Variants in UCK2 observed in about 807,000 individuals in gnomAD.
The protein encoded by UCK2 is cytidine monophosphokinase 2.
In UCK2, 6 loss-of-function variants were observed where a neutral mutation model predicts 30.8. The ratio of observed to expected loss-of-function variants is 0.19; its 90% CI spans 0.11 to 0.38. UCK2 has a LOEUF of 0.38. Ranked by LOEUF, UCK2 falls within the 10% of genes least tolerant of loss-of-function variation. UCK2 has a pLI of 1.00. For missense variants in UCK2, 210 were observed against 339.8 expected (o/e 0.62, Z 3.00); for synonymous variants, 125 against 133.6 (o/e 0.94, Z 0.45).
At chr1:165,845,886 T>C (rs1428070571) in intron 1 of UCK2, among the ~76,000 whole-genome samples, 1 of 152,182 alleles carries the variant, frequency 6.6e-6, no homozygotes, top group Admixed American at 6.5e-5. Context: ...CAGGCTGATA[T>C]CTAACTCTGT....
chr1:165,840,119 A>C (rs1050691320), intron 1 of UCK2, among the ~76,000 whole-genome samples: 1 of 152,038 alleles, frequency 6.6e-6, no homozygotes, highest in African/African-American at 2.4e-5. Context: ...GGGTTTCACC[A>C]TGTTGGCCAG....
intron 1 of UCK2, among the ~76,000 whole-genome samples, chr1:165,839,218 T>TACCTCCTTTTGTAG (rs1247046481): frequency 1.3e-5 from 2 of 152,208 alleles, no homozygotes; most frequent in Non-Finnish European, 2.9e-5. Context: ...CATTTTTCTC[T>TACCTCCTTTTGTAG]ACCTCCTTTT....
intron 1 of UCK2, among the ~76,000 whole-genome samples, chr1:165,839,058 G>A (rs1189556562): frequency 6.6e-6 from 1 of 151,676 alleles, no homozygotes; most frequent in Non-Finnish European, 1.5e-5. Flanking sequence ...AAAAAAAAAA[G>A]AAAGAAAAAA....
chr1:165,875,055 A>G (rs1228328627), intron 1 of UCK2, among the ~76,000 whole-genome samples: 1 of 147,954 alleles, frequency 6.8e-6, no homozygotes, highest in Non-Finnish European at 1.5e-5. Flanking sequence ...AAAAAAAAAA[A>G]GCTTCCTAAT....
At chr1:165,836,476 T>G (rs1184061821) in intron 1 of UCK2, among the ~76,000 whole-genome samples, 1 of 152,216 alleles carries the variant, frequency 6.6e-6, no homozygotes, top group African/African-American at 2.4e-5. Context: ...ACTCAGTTTT[T>G]ACCTTTAAAA....
chr1:165,889,990 G>C (rs1216686112), intron 1 of UCK2, among the ~76,000 whole-genome samples: 3 of 152,004 alleles, frequency 2.0e-5, no homozygotes, highest in Non-Finnish European at 4.4e-5. Flanking sequence ...GTGTCCTCTA[G>C]CTCCATCCAT....
chr1:165,885,782 T>G (rs993534770), intron 1 of UCK2, among the ~76,000 whole-genome samples: 2 of 152,198 alleles, frequency 1.3e-5, no homozygotes, highest in Non-Finnish European at 2.9e-5. Flanking sequence ...GATATGATAA[T>G]AATTCCCATC....
chr1:165,877,711 A>G (rs777765602), intron 1 of UCK2, among the ~76,000 whole-genome samples: 9 of 152,318 alleles, frequency 5.9e-5, no homozygotes, highest in East Asian at 3.9e-4. Context: ...CAAAGCTTCT[A>G]TGAACATTTG....
chr1:165,844,257 AC>A (rs1269633660), intron 1 of UCK2, among the ~76,000 whole-genome samples: 1 of 152,208 alleles, frequency 6.6e-6, no homozygotes, highest in Non-Finnish European at 1.5e-5. Context: ...TGCACCTAGA[AC>A]GGCTCCCTCC....
chr1:165,880,362 T>G (rs904814892), intron 1 of UCK2, among the ~76,000 whole-genome samples: 5 of 152,128 alleles, frequency 3.3e-5, no homozygotes, highest in African/African-American at 1.2e-4. Flanking sequence ...GGGCCCAGTT[T>G]GTTGTTTTTC....
intron 1 of UCK2, among the ~76,000 whole-genome samples, chr1:165,873,591 C>G (rs1655256454): frequency 6.6e-6 from 1 of 152,114 alleles, no homozygotes; most frequent in African/African-American, 2.4e-5. Context: ...TGTGAAAACC[C>G]TTTCTCCCGT....
Position 165,829,016 on chromosome 1 carries a change from G to GGAAA in UCK2, c.99+1087_99+1090dup, listed in dbSNP as rs953926167. On this transcript the variant is annotated intron_variant, in intron 1 of 6. Transcript: ENST00000367879. ...GCAGGAAGGCTGGTTGGCGCCATGA[G>GGAAA]GAAAGAGCCACGAGGTTTTAGCTCC... Among the ~76,000 whole-genome samples, 32 of 152,248 alleles carry GGAAA rather than the reference G, an allele frequency of 2.1e-4. 1 individual carries two copies. Among genetic ancestry groups the GGAAA allele is most frequent in the African/African-American group, 7.2e-4 (30 of 41,542 alleles).
intron 1 of UCK2, among the ~76,000 whole-genome samples, chr1:165,839,801 C>T (rs576277364): frequency 2.0e-5 from 3 of 152,268 alleles, no homozygotes; most frequent in South Asian, 2.1e-4. Context: ...TAGGGTTAAA[C>T]GATAAAATGT....
chr1:165,855,510 CTTTTTTT>C (rs76464312), intron 1 of UCK2, among the ~76,000 whole-genome samples: 28 of 128,208 alleles, frequency 2.2e-4, no homozygotes, highest in Admixed American at 3.9e-4. Context: ...TTTTTCTTTT[CTTTTTTT>C]TTTTTTTTTT....
At chr1:165,864,253 C>A (rs1445964395) in intron 1 of UCK2, among the ~76,000 whole-genome samples, 1 of 152,184 alleles carries the variant, frequency 6.6e-6, no homozygotes, top group Non-Finnish European at 1.5e-5. Flanking sequence ...CAGCCGGGTC[C>A]TGCCTTATTT....
chr1:165,862,971 C>T (rs943945037), intron 1 of UCK2, among the ~76,000 whole-genome samples: 1 of 152,114 alleles, frequency 6.6e-6, no homozygotes, highest in African/African-American at 2.4e-5. Flanking sequence ...TAGGCATTTG[C>T]CTACTTAGAG....
At chr1:165,837,346 AC>A (rs1654220712) in intron 1 of UCK2, among the ~76,000 whole-genome samples, 2 of 152,214 alleles carry the variant, frequency 1.3e-5, no homozygotes, top group Admixed American at 1.3e-4. Context: ...CACTGGTCAC[AC>A]AAAGTACTTC....
chr1:165,850,608 AT>A (rs2101857668), intron 1 of UCK2, among the ~76,000 whole-genome samples: 1 of 117,238 alleles, frequency 8.5e-6, no homozygotes, highest in Admixed American at 1.2e-4. Context: ...CATGCGACTA[AT>A]TTTTAAATTT....
Position 165,887,449 on chromosome 1 carries a change from G to A in UCK2, c.100-2755G>A, listed in dbSNP as rs543203730. Among the ~76,000 whole-genome samples the A allele has an allele frequency of 2.8e-4, 43 of 152,296 alleles. 1 individual carries two copies. The South Asian group carries it at 7.9e-3, about 28-fold the overall frequency. On this transcript the variant is annotated intron_variant, in intron 1 of 6. Transcript: ENST00000367879. ...AGTAGTTTATCTGCAAAATTAGGTA[G>A]TGTAACTTTTTAATATGCTTTTTTG...
Sources: allele counts gnomAD v4.1 joint callset (sites outside exome capture counted in the v4.1 genomes callset), GRCh38; gene constraint gnomAD v4.1.1; transcripts MANE v1.5; gene names NCBI Gene and HGNC (gene_info 2026-07-23, HGNC 2026-07-21).